SEL1L: variants seen among roughly 807,000 people sequenced by gnomAD.
SEL1L encodes the protein SEL1L adaptor subunit of SYVN1 ubiquitin ligase.
In SEL1L, 52 loss-of-function variants were observed where a neutral mutation model predicts 109.8. The observed-to-expected ratio is 0.47, with a 90% CI of 0.38 to 0.60. The LOEUF is 0.60. Among genes scored for constraint, SEL1L ranks in the 20% least tolerant of loss-of-function variants. SEL1L has a pLI of 0.00. For missense variants in SEL1L, 749 were observed against 962.2 expected (o/e 0.78, Z 2.93); for synonymous variants, 373 against 339.6 (o/e 1.10, Z -1.08).
chr14:81,479,640 T>C lies in SEL1L; in HGVS notation c.2147A>G (p.Tyr716Cys), dbSNP rs367994213. 1.7e-5 allele frequency: 27 copies of C among 1,613,358 alleles called. No individual in the cohort carries two copies. Among genetic ancestry groups the C allele is most frequent in the Middle Eastern group, 1.6e-4 (1 of 6,082 alleles). ...FLALCKLGVV[Y>C]FLQYIRETNI... ...TGTTTCCCGTATGTACTGCAAGAAA[T>C]AGACGACGCCCAATTTGCAGAGGGC... The change falls in exon 20 of 21, where the codon TAT (tyrosine) becomes TGT (cysteine). Residue 716 changes from tyrosine (Y) to cysteine (C), a missense_variant. By Grantham distance (194) the Tyr-to-Cys change is radical (BLOSUM62 -2). This residue lies in a region of SEL1L where 383 missense variants were observed against 562.5 expected (regional missense o/e 0.68). Transcript: ENST00000336735.
intron 1 of SEL1L, among the ~76,000 whole-genome samples, chr14:81,531,548 G>A (rs1885322013): frequency 6.6e-6 from 1 of 152,106 alleles, no homozygotes; most frequent in Middle Eastern, 3.4e-3. Context: ...TTTAACACAG[G>A]GTTGTTTTTT....
intron 3 of SEL1L, among the ~76,000 whole-genome samples, chr14:81,525,075 A>G (rs1167421948): frequency 1.3e-5 from 2 of 152,196 alleles, no homozygotes; most frequent in Non-Finnish European, 2.9e-5. Context: ...CTTACTAGAG[A>G]GAGACACAGA....
chr14:81,490,488 A>G, intron 12 of SEL1L, 23 bp from the exon 13 acceptor site: 1 of 1,563,834 alleles, frequency 6.4e-7, no homozygotes, highest in Non-Finnish European at 8.8e-7. Context: ...TCCCAATTTC[A>G]GTAAGAGCTG....
At chr14:81,499,297 C>T (rs1883904416) in intron 8 of SEL1L, 162 bp downstream of exon 8, 3 of 1,321,174 alleles carry the variant, frequency 2.3e-6, no homozygotes, top group Non-Finnish European at 2.9e-6. Flanking sequence ...ATGTAGATTC[C>T]ATGTGTTATA....
intron 19 of SEL1L, among the ~76,000 whole-genome samples, chr14:81,480,892 A>C (rs1405100724): frequency 6.6e-6 from 1 of 152,008 alleles, no homozygotes; most frequent in Middle Eastern, 3.2e-3. Flanking sequence ...CACAGCCCTT[A>C]TCTACCCCAC....
chr14:81,526,786 G>A lies in SEL1L; in HGVS notation c.287C>T (p.Ser96Phe). 8 of 1,608,974 alleles carry A rather than the reference G, an allele frequency of 5.0e-6. No homozygotes were observed. The highest frequency in any genetic ancestry group is 6.8e-6 in the Non-Finnish European group (8 of 1,178,656). Residue 96 changes from serine (S) to phenylalanine (F), a missense_variant, in exon 3 of 21, where the codon TCT (serine) becomes TTT (phenylalanine). Around this residue, in one of 2 missense-constraint regions of SEL1L, gnomAD observed 366 missense variants for 399.8 expected, o/e 0.92. Coordinates refer to ENST00000336735, the MANE Select transcript of SEL1L (RefSeq NM_005065.6). ...ATAGTCCTTGTTTTCTGGATTTGGA[G>A]ACTCTAGAAAGCTGATATCTTCTGT... ...SVTEDISFLESPNPENKDYEE... is the reference protein window; with the variant it reads ...SVTEDISFLEFPNPENKDYEE...
At chr14:81,529,369 A>G (rs1237499381) in intron 1 of SEL1L, among the ~76,000 whole-genome samples, 1 of 152,234 alleles carries the variant, frequency 6.6e-6, no homozygotes, top group African/African-American at 2.4e-5. Flanking sequence ...CAGATATTAA[A>G]TGTTTAAACA....
At chr14:81,511,333 G>C (rs943122722) in intron 3 of SEL1L, among the ~76,000 whole-genome samples, 1 of 152,166 alleles carries the variant, frequency 6.6e-6, no homozygotes, top group African/African-American at 2.4e-5. Flanking sequence ...ACAATCACTG[G>C]CCCATGTGAC....
chr14:81,529,524 T>C (rs1356909718), intron 1 of SEL1L, among the ~76,000 whole-genome samples: 2 of 152,174 alleles, frequency 1.3e-5, no homozygotes, highest in South Asian at 4.1e-4. Context: ...CATCTGTAAA[T>C]ACACTTAAAG....
rs1903159704 is a variant in SEL1L at position 81,476,403 on chromosome 14, CA to C, written c.*568del. The C allele has an allele frequency of 6.6e-6, 1 of 152,228 alleles. No individual in the cohort carries two copies. The highest frequency in any genetic ancestry group is 2.4e-5 in the African/African-American group (1 of 41,392). 9.4% of individuals were successfully genotyped at this position (152,228 alleles called of 1,614,324 possible). A position where few individuals can be genotyped will look rare whatever the true frequency, so the allele number is the denominator to read the frequency against. ...CTCCCAACCCTCCCTTTTAAAATAACAAATATGCTGAATATGTCTAATTGCA... is the reference window on the plus strand; with the variant it reads ...CTCCCAACCCTCCCTTTTAAAATAACAATATGCTGAATATGTCTAATTGCA... On this transcript the variant is annotated 3_prime_UTR_variant, in exon 21 of 21. Coordinates refer to ENST00000336735, the MANE Select transcript of SEL1L (RefSeq NM_005065.6).
At chr14:81,496,655 G>A (rs1883763265) in intron 10 of SEL1L, among the ~76,000 whole-genome samples, 1 of 152,300 alleles carries the variant, frequency 6.6e-6, no homozygotes, top group Middle Eastern at 3.4e-3. Flanking sequence ...CACAAGAATC[G>A]CTTGAACCCG....
chr14:81,528,439 G>A (rs1885197788), intron 1 of SEL1L, among the ~76,000 whole-genome samples: 1 of 152,068 alleles, frequency 6.6e-6, no homozygotes, highest in South Asian at 2.1e-4. Flanking sequence ...CACACAGCCT[G>A]CTTTGGTGTT....
At chr14:81,480,398 C>A (rs1903314225) in intron 19 of SEL1L, among the ~76,000 whole-genome samples, 1 of 152,140 alleles carries the variant, frequency 6.6e-6, no homozygotes, top group South Asian at 2.1e-4. Context: ...ACCGTGTTCG[C>A]CAGGATGGTC....
chr14:81,505,718 T>A (rs923653911), intron 4 of SEL1L, among the ~76,000 whole-genome samples: 1 of 152,248 alleles, frequency 6.6e-6, no homozygotes, highest in Non-Finnish European at 1.5e-5. Flanking sequence ...TAAAAAGTTA[T>A]TTATTTTTCT....
intron 6 of SEL1L, among the ~76,000 whole-genome samples, chr14:81,501,322 G>A (rs962754477): frequency 6.6e-6 from 1 of 152,150 alleles, no homozygotes; most frequent in Admixed American, 6.5e-5. Flanking sequence ...TGGAGAGGGT[G>A]CTTTGCAACA....
rs1423694884 is a variant in SEL1L, at chr14:81,475,285, C to G, written c.*1687G>C. ...CAGATACGCTTTCATACATATGGCTCTCTTGGTGACTAACTCTTCGAATTT... is the reference window on the plus strand; with the variant it reads ...CAGATACGCTTTCATACATATGGCTGTCTTGGTGACTAACTCTTCGAATTT... On this transcript the variant is annotated 3_prime_UTR_variant, in exon 21 of 21. Transcript: ENST00000336735. 6.6e-6 allele frequency: 1 copy of G among 152,470 alleles called. No homozygotes were observed. Among genetic ancestry groups the G allele is most frequent in the Non-Finnish European group, 1.5e-5 (1 of 68,020 alleles). The allele number at this position is 152,470 out of a possible 1,614,324, so 9.4% of individuals were successfully genotyped here. A position where few individuals can be genotyped will look rare whatever the true frequency, so the allele number is the denominator to read the frequency against.
chr14:81,523,836 A>T (rs1885014368), intron 3 of SEL1L, among the ~76,000 whole-genome samples: 1 of 152,096 alleles, frequency 6.6e-6, no homozygotes, highest in Admixed American at 6.6e-5. Flanking sequence ...AATACCCACA[A>T]CATATCTGGT....
chr14:81,517,772 AG>A (rs1250307215), intron 3 of SEL1L, among the ~76,000 whole-genome samples: 1 of 152,232 alleles, frequency 6.6e-6, no homozygotes, highest in African/African-American at 2.4e-5. Context: ...AATCCTGATC[AG>A]GGGAAGCTGC....
intron 12 of SEL1L, among the ~76,000 whole-genome samples, chr14:81,491,442 A>G (rs1883533951): frequency 6.6e-6 from 1 of 152,236 alleles, no homozygotes; most frequent in South Asian, 2.1e-4. Flanking sequence ...GCAAGAACCA[A>G]AAGAGGAGGA....
Sources: allele counts gnomAD v4.1 joint callset (sites outside exome capture counted in the v4.1 genomes callset), GRCh38; gene constraint gnomAD v4.1.1; regional missense constraint gnomAD v4.1.1; transcripts MANE v1.5; gene names NCBI Gene and HGNC (gene_info 2026-07-23, HGNC 2026-07-21).